Variants in TM4SF4 observed in about 807,000 individuals in gnomAD.
The protein encoded by TM4SF4 is transmembrane 4 L six family member 4.
Under a neutral mutation model 24.1 loss-of-function variants are expected in TM4SF4, and 24 were observed. The ratio of observed to expected loss-of-function variants is 1.00; its 90% CI spans 0.72 to 1.40. The LOEUF is 1.40. Among genes scored for constraint, TM4SF4 ranks in the 40% most tolerant of loss-of-function variants. TM4SF4 has a pLI of 0.00. For synonymous variants in TM4SF4, 113 were observed against 97.0 expected (o/e 1.17, Z -0.97); for missense variants, 254 against 254.2 (o/e 1.00, Z 0.01).
At chr3:149,491,655 A>G (rs1734212623) in intron 3 of TM4SF4, among the ~76,000 whole-genome samples, 1 of 152,184 alleles carries the variant, frequency 6.6e-6, no homozygotes, top group African/African-American at 2.4e-5. Flanking sequence ...CAAAAAACGA[A>G]TAGACATGGT....
At chr3:149,494,901 G>A (rs578233916) in intron 3 of TM4SF4, 1 of 155,102 alleles carries the variant, frequency 6.4e-6, no homozygotes, top group Admixed American at 6.5e-5. Context: ...AGACCAGCAA[G>A]TACTGCATGA....
At chr3:149,498,570 G>A (rs1019350143) in intron 3 of TM4SF4, among the ~76,000 whole-genome samples, 152 bp from the exon 4 acceptor site, 1 of 152,208 alleles carries the variant, frequency 6.6e-6, no homozygotes, top group Non-Finnish European at 1.5e-5. Context: ...TGTACATTTT[G>A]TGGTATTTAA....
At chr3:149,502,647 A>C (rs1219846201) in intron 4 of TM4SF4, 29 bp from the exon 5 acceptor site, 3 of 1,578,082 alleles carry the variant, frequency 1.9e-6, no homozygotes, top group Non-Finnish European at 2.6e-6. Context: ...TCATGACATC[A>C]TAGTTAATTC....
At chr3:149,501,601 C>T (rs1179918693) in intron 4 of TM4SF4, among the ~76,000 whole-genome samples, 1 of 152,194 alleles carries the variant, frequency 6.6e-6, no homozygotes, top group Non-Finnish European at 1.5e-5. Flanking sequence ...CTGAAGATTC[C>T]TTTCTCTTGG....
intron 2 of TM4SF4, 144 bp from the exon 3 acceptor site, chr3:149,487,475 C>T (rs1734138482): frequency 5.6e-6 from 5 of 890,530 alleles, no homozygotes; most frequent in Non-Finnish European, 8.5e-6. Flanking sequence ...CTAGAAGACC[C>T]CACAGGCCCC....
At chr3:149,476,815 T>G (rs1275323503) in intron 2 of TM4SF4, among the ~76,000 whole-genome samples, 1 of 24,752 alleles carries the variant, frequency 4.0e-5, no homozygotes, top group African/African-American at 9.1e-5. Context: ...TTTGTTTTTG[T>G]TTTTTTTTTT....
chr3:149,482,648 A>C (rs1354579522), intron 2 of TM4SF4, among the ~76,000 whole-genome samples: 1 of 152,102 alleles, frequency 6.6e-6, no homozygotes, highest in East Asian at 1.9e-4. Flanking sequence ...GGCTCAAGCA[A>C]TCCTCCCACC....
chr3:149,495,961 G>GTCAGCAGA (rs1322280259), intron 3 of TM4SF4: 12 of 271,726 alleles, frequency 4.4e-5, no homozygotes. Context: ...TGACCAGAAG[G>GTCAGCAGA]CTTGGCAAGG....
chr3:149,475,448 T>C (rs1419806082), intron 1 of TM4SF4, among the ~76,000 whole-genome samples: 1 of 152,186 alleles, frequency 6.6e-6, no homozygotes, highest in Non-Finnish European at 1.5e-5. Context: ...GTGGTCGTCT[T>C]CCACTTAGGA....
intron 3 of TM4SF4, among the ~76,000 whole-genome samples, chr3:149,494,268 G>A (rs1734270669): frequency 2.0e-5 from 3 of 152,198 alleles, no homozygotes; most frequent in African/African-American, 7.2e-5. Context: ...TTTGTGAGGG[G>A]TGAGGCTGCA....
rs958772173 is a variant in TM4SF4, at chr3:149,496,552, C to T, written c.402-2170C>T. Among the ~76,000 whole-genome samples, 23 of 152,224 alleles carry T rather than the reference C, an allele frequency of 1.5e-4. 1 individual carries two copies. The highest frequency in any genetic ancestry group is 5.2e-4 in the Admixed American group (8 of 15,284). Reference sequence around the variant, plus strand: ...ATCCCAACACTTTGGGCGGATCACCCGAGGTCGGGAGTTCGAGACCAGCCT... The same window carrying T: ...ATCCCAACACTTTGGGCGGATCACCTGAGGTCGGGAGTTCGAGACCAGCCT... On this transcript the variant is annotated intron_variant, in intron 3 of 4. Coordinates refer to ENST00000305354, the MANE Select transcript of TM4SF4 (RefSeq NM_004617.4).
chr3:149,489,007 T>C (rs77709670), intron 3 of TM4SF4, among the ~76,000 whole-genome samples: 12,943 of 152,248 alleles, frequency 0.085, 660 homozygotes, highest in Non-Finnish European at 0.11. Context: ...TACATGGTCT[T>C]GGTTTGTTCA....
intron 2 of TM4SF4, among the ~76,000 whole-genome samples, chr3:149,486,073 C>T (rs1166271747): frequency 6.6e-6 from 1 of 152,052 alleles, no homozygotes; most frequent in East Asian, 1.9e-4. Flanking sequence ...GAAAATGAAT[C>T]CCAGCTAAAG....
chr3:149,497,684 G>T (rs932333326), intron 3 of TM4SF4, among the ~76,000 whole-genome samples: 1 of 151,986 alleles, frequency 6.6e-6, no homozygotes, highest in Non-Finnish European at 1.5e-5. Flanking sequence ...CGTTCTTGTT[G>T]CCCAGGCTGG....
chr3:149,482,882 T>C (rs917039665), intron 2 of TM4SF4, among the ~76,000 whole-genome samples: 3 of 152,230 alleles, frequency 2.0e-5, no homozygotes, highest in Non-Finnish European at 4.4e-5. Context: ...AAACCCATGA[T>C]AAATTGAAGT....
At chr3:149,498,564 C>T (rs1291406037) in intron 3 of TM4SF4, among the ~76,000 whole-genome samples, 158 bp from the exon 4 acceptor site, 3 of 152,136 alleles carry the variant, frequency 2.0e-5, no homozygotes, top group Non-Finnish European at 4.4e-5. Context: ...AAAAACTGTA[C>T]ATTTTGTGGT....
intron 3 of TM4SF4, among the ~76,000 whole-genome samples, chr3:149,493,226 A>T (rs1180441753): frequency 6.6e-6 from 1 of 152,188 alleles, no homozygotes; most frequent in East Asian, 1.9e-4. Flanking sequence ...CTGTGACTTA[A>T]TTTCAACCAG....
At chr3:149,477,707 A>T (rs1006992401) in intron 2 of TM4SF4, among the ~76,000 whole-genome samples, 3 of 152,238 alleles carry the variant, frequency 2.0e-5, no homozygotes, top group African/African-American at 7.2e-5. Context: ...AGTTCTTTTT[A>T]AAAAACCCAC....
intron 3 of TM4SF4, among the ~76,000 whole-genome samples, chr3:149,488,380 G>A (rs1026810105): frequency 6.6e-6 from 1 of 152,162 alleles, no homozygotes; most frequent in Non-Finnish European, 1.5e-5. Flanking sequence ...TCTGTGCCAA[G>A]GCAGGCTTAA....
Sources: gnomAD v4.1 joint callset for allele counts (sites outside exome capture counted in the v4.1 genomes callset) on GRCh38, gnomAD v4.1.1 for gene constraint, MANE v1.5 for transcripts, NCBI Gene and HGNC (gene_info 2026-07-23, HGNC 2026-07-21) for gene names.